Variants in CSMD1 observed in about 807,000 individuals in gnomAD.
CSMD1 encodes CUB and sushi domain-containing protein 1.
CSMD1 carries 213 observed loss-of-function variants against 417.5 expected under a neutral mutation model. That is an observed-to-expected ratio of 0.51 (90% CI 0.46 to 0.57). The LOEUF (loss-of-function observed/expected upper bound fraction) is 0.57. CSMD1 is among the 20% of genes least tolerant of loss of function. CSMD1 has a pLI of 0.00. For missense variants in CSMD1, 6,923 were observed against 4,529.7 expected, an observed-to-expected ratio of 1.53 and a Z score of -15.17; for synonymous variants, 2,862 against 1,736.8, an observed-to-expected ratio of 1.65 and a Z score of -16.11.
chr8:4,320,495 C>T (rs148543451), intron 3 of CSMD1, among the ~76,000 whole-genome samples: 1,998 of 152,208 alleles, frequency 0.013, 43 homozygotes, highest in African/African-American at 0.046. Flanking sequence ...TTTCCTAATG[C>T]TATTCCTCCC....
intron 18 of CSMD1, among the ~76,000 whole-genome samples, chr8:3,382,658 A>T (rs1810712092): frequency 6.7e-6 from 1 of 149,088 alleles, no homozygotes; most frequent in African/African-American, 2.4e-5. Flanking sequence ...GATAGATATA[A>T]AATGTATCTG....
At chr8:4,361,929 C>T (rs1420897783) in intron 3 of CSMD1, among the ~76,000 whole-genome samples, 1 of 151,912 alleles carries the variant, frequency 6.6e-6, no homozygotes. Context: ...CACGCCAAGG[C>T]CCTCCAGCCT....
intron 1 of CSMD1, among the ~76,000 whole-genome samples, chr8:4,928,244 C>A (rs1427141429): frequency 6.6e-6 from 1 of 152,198 alleles, no homozygotes; most frequent in East Asian, 1.9e-4. Context: ...TCCACTGGAT[C>A]TCAGCTCAAA....
chr8:4,863,634 A>G (rs1272351675), intron 1 of CSMD1, among the ~76,000 whole-genome samples: 1 of 151,890 alleles, frequency 6.6e-6, no homozygotes, highest in Non-Finnish European at 1.5e-5. Context: ...CTCCATATCC[A>G]CCCAGGGGAC....
chr8:4,289,489 T>C (rs1019057236), intron 3 of CSMD1, among the ~76,000 whole-genome samples: 7 of 152,206 alleles, frequency 4.6e-5, no homozygotes, highest in Non-Finnish European at 7.3e-5. Context: ...TTGGACCACA[T>C]AAACTGAGTT....
At chr8:3,313,253 C>G (rs62504444) in intron 23 of CSMD1, among the ~76,000 whole-genome samples, 23,090 of 152,106 alleles carry the variant, frequency 0.15, 1,866 homozygotes, top group African/African-American at 0.2. Flanking sequence ...GGCAACAAAA[C>G]CCAAAATTGA....
intron 4 of CSMD1, among the ~76,000 whole-genome samples, chr8:4,003,437 A>AATAG (rs72051219): frequency 4.6e-5 from 7 of 151,936 alleles, no homozygotes; most frequent in Admixed American, 2.0e-4. Context: ...TAAATAAATA[A>AATAG]ATAGATAAGT....
chr8:4,282,704 A>T (rs1478512088), intron 3 of CSMD1, among the ~76,000 whole-genome samples: 2 of 152,288 alleles, frequency 1.3e-5, no homozygotes, highest in East Asian at 1.9e-4. Context: ...CATCCTAACA[A>T]CTCATTTATA....
chr8:3,691,752 G>A (rs542078875), intron 7 of CSMD1, among the ~76,000 whole-genome samples: 3 of 149,622 alleles, frequency 2.0e-5, no homozygotes, highest in African/African-American at 7.3e-5. Context: ...GAGAAAATGA[G>A]GCTCAATACC....
intron 5 of CSMD1, among the ~76,000 whole-genome samples, chr8:3,816,025 C>G (rs1045793941): frequency 4.6e-5 from 7 of 152,178 alleles, no homozygotes; most frequent in Admixed American, 2.0e-4. Context: ...AAGATATTGT[C>G]TGTGTTATTA....
intron 12 of CSMD1, among the ~76,000 whole-genome samples, chr8:3,411,966 G>A (rs376211106): frequency 0.061 from 197 of 3,246 alleles, 28 homozygotes; most frequent in African/African-American, 0.092. Context: ...ACGTATATAT[G>A]CACGTATATA....
intron 19 of CSMD1, among the ~76,000 whole-genome samples, chr8:3,367,654 CA>C (rs1046981399): frequency 1.2e-4 from 18 of 151,738 alleles, no homozygotes; most frequent in Non-Finnish European, 2.7e-4. Flanking sequence ...AAGGGATAAA[CA>C]ACAAAAATAA....
At chr8:3,766,396 T>C (rs1798268431) in intron 5 of CSMD1, among the ~76,000 whole-genome samples, 1 of 152,168 alleles carries the variant, frequency 6.6e-6, no homozygotes, top group East Asian at 1.9e-4. Flanking sequence ...AAGTGCCTGT[T>C]TCTAACCCTT....
intron 1 of CSMD1, among the ~76,000 whole-genome samples, chr8:4,815,771 C>G (rs975523348): frequency 1.4e-5 from 2 of 145,442 alleles, no homozygotes; most frequent in African/African-American, 2.6e-5. Flanking sequence ...ATAATAAACA[C>G]ATTTTACAGA....
At chr8:4,233,283 C>A (rs954000943) in intron 3 of CSMD1, among the ~76,000 whole-genome samples, 2 of 152,218 alleles carry the variant, frequency 1.3e-5, no homozygotes, top group Non-Finnish European at 2.9e-5. Context: ...GAAGTGCCCA[C>A]TCTCCGCCAG....
chr8:4,094,838 G>C (rs148503434), intron 3 of CSMD1, among the ~76,000 whole-genome samples: 3 of 152,332 alleles, frequency 2.0e-5, no homozygotes, highest in African/African-American at 7.2e-5. Context: ...GGAAATAAAG[G>C]TGAAGCATAG....
chr8:4,753,127 G>A (rs1460576629), intron 1 of CSMD1, among the ~76,000 whole-genome samples: 2 of 152,090 alleles, frequency 1.3e-5, no homozygotes, highest in Non-Finnish European at 2.9e-5. Context: ...GATAAGAAAA[G>A]CGAGGCTTAG....
intron 1 of CSMD1, among the ~76,000 whole-genome samples, chr8:4,793,138 C>G (rs1045301295): frequency 6.6e-6 from 1 of 152,092 alleles, no homozygotes; most frequent in Non-Finnish European, 1.5e-5. Flanking sequence ...AACAGGTCAG[C>G]AGGTACCAAA....
intron 3 of CSMD1, among the ~76,000 whole-genome samples, chr8:4,082,577 G>T (rs1412623210): frequency 6.6e-6 from 1 of 151,672 alleles, no homozygotes; most frequent in African/African-American, 2.4e-5. Context: ...TTCATTATGA[G>T]CCTAGAAGAA....
Sources: allele counts gnomAD v4.1 joint callset (sites outside exome capture counted in the v4.1 genomes callset), GRCh38; gene constraint gnomAD v4.1.1; transcripts MANE v1.5; gene names NCBI Gene and HGNC (gene_info 2026-07-23, HGNC 2026-07-21).